Variants in RBFOX1 observed in about 807,000 individuals in gnomAD.
RBFOX1 encodes the protein RNA binding fox-1 homolog 1.
A neutral mutation model predicts 57.7 loss-of-function variants in RBFOX1; 8 were observed. The ratio of observed to expected loss-of-function variants is 0.14; its 90% CI spans 0.08 to 0.25. The LOEUF (loss-of-function observed/expected upper bound fraction) is 0.25. Ranked by LOEUF, RBFOX1 falls within the 10% of genes least tolerant of loss-of-function variation. RBFOX1 has a pLI of 1.00. For missense variants in RBFOX1, 611 were observed against 548.5 expected, an observed-to-expected ratio of 1.11 and a Z score of -1.14; for synonymous variants, 326 against 222.4, an observed-to-expected ratio of 1.47 and a Z score of -4.15.
At chr16:7,457,043 A>T (rs558164202) in intron 4 of RBFOX1, among the ~76,000 whole-genome samples, 1 of 151,814 alleles carries the variant, frequency 6.6e-6, no homozygotes, top group African/African-American at 2.4e-5. Context: ...ACGCACCACC[A>T]CGCCCGGCTA....
chr16:5,510,090 G>A (rs1005625216), intron 2 of RBFOX1, among the ~76,000 whole-genome samples: 1 of 152,232 alleles, frequency 6.6e-6, no homozygotes, highest in Non-Finnish European at 1.5e-5. Flanking sequence ...GTCGAGCACA[G>A]GGCTTGTCTC....
At chr16:7,687,080 A>G (rs2076223957) in intron 14 of RBFOX1, among the ~76,000 whole-genome samples, 1 of 152,090 alleles carries the variant, frequency 6.6e-6, no homozygotes, top group South Asian at 2.1e-4. Context: ...CCTTTTCAAA[A>G]AGAGATAGGT....
At chr16:6,439,086 A>G (rs2094310730) in intron 2 of RBFOX1, among the ~76,000 whole-genome samples, 1 of 152,038 alleles carries the variant, frequency 6.6e-6, no homozygotes, top group Non-Finnish European at 1.5e-5. Context: ...TTGTAGGACA[A>G]CTCTGTTGTG....
chr16:6,020,109 T>A, intron 1 of RBFOX1, 117 bp downstream of exon 1: 2 of 1,169,128 alleles, frequency 1.7e-6, no homozygotes, highest in Non-Finnish European at 2.2e-6. Context: ...CTAGCGCCAG[T>A]CTGGGCGCTC....
intron 4 of RBFOX1, among the ~76,000 whole-genome samples, chr16:5,939,090 C>T (rs1021950035): frequency 1.3e-4 from 20 of 148,468 alleles, no homozygotes; most frequent in Admixed American, 4.0e-4. Context: ...CACTGCGTGT[C>T]GTGGGGTTGG....
At chr16:5,914,143 G>A (rs1016180355) in intron 4 of RBFOX1, among the ~76,000 whole-genome samples, 16 of 152,174 alleles carry the variant, frequency 1.1e-4, no homozygotes, top group Middle Eastern at 3.2e-3. Flanking sequence ...AGGAAAGGAC[G>A]TTTTGGCCCC....
Position 7,154,803 on chromosome 16 carries a change from G to T in RBFOX1, c.27+102705G>T, listed in dbSNP as rs531763210. ...GTATGGGATACATATTTTACCAAAT[G>T]CTTTATGAGTATTATTTAATGTTTT... is the stretch of plus-strand genomic sequence containing the variant. On this transcript the variant is annotated intron_variant, in intron 4 of 15. Transcript: ENST00000550418. Among the ~76,000 whole-genome samples, 79 of 151,074 alleles carry T rather than the reference G, an allele frequency of 5.2e-4. 1 individual carries two copies. The highest frequency in any genetic ancestry group is 1.8e-3 in the African/African-American group (74 of 41,122).
At chr16:6,127,556 AG>A (rs1350690719) in intron 1 of RBFOX1, among the ~76,000 whole-genome samples, 1 of 152,190 alleles carries the variant, frequency 6.6e-6, no homozygotes, top group Non-Finnish European at 1.5e-5. Context: ...AATGAATTGC[AG>A]GTTAGGTGGT....
chr16:6,641,235 G>T (rs1291114299), intron 2 of RBFOX1, among the ~76,000 whole-genome samples: 1 of 152,078 alleles, frequency 6.6e-6, no homozygotes, highest in Non-Finnish European at 1.5e-5. Context: ...AGAGGTTCAG[G>T]GCTTCCCCAG....
chr16:6,956,626 T>G (rs2153536536), intron 3 of RBFOX1, among the ~76,000 whole-genome samples: 1 of 152,324 alleles, frequency 6.6e-6, no homozygotes, highest in African/African-American at 2.4e-5. Flanking sequence ...CAGCCCGTCT[T>G]CCCTTCTTGT....
At chr16:5,358,977 C>T (rs1464352212) in intron 1 of RBFOX1, among the ~76,000 whole-genome samples, 1 of 152,194 alleles carries the variant, frequency 6.6e-6, no homozygotes. Flanking sequence ...CCCTTCCTAG[C>T]CTCTGGTGGC....
At chr16:6,803,731 T>C (rs1210530937) in intron 3 of RBFOX1, among the ~76,000 whole-genome samples, 1 of 152,214 alleles carries the variant, frequency 6.6e-6, no homozygotes, top group Non-Finnish European at 1.5e-5. Context: ...CTTATCTTGC[T>C]TAAGAGTAAT....
At chr16:6,110,609 A>G (rs1203007818) in intron 1 of RBFOX1, among the ~76,000 whole-genome samples, 1 of 152,186 alleles carries the variant, frequency 6.6e-6, no homozygotes, top group African/African-American at 2.4e-5. Context: ...AATCTGCCCT[A>G]ACATTGAGCA....
At chr16:7,641,602 T>A (rs1254373900) in intron 11 of RBFOX1, among the ~76,000 whole-genome samples, 5 of 152,232 alleles carry the variant, frequency 3.3e-5, no homozygotes, top group African/African-American at 1.2e-4. Flanking sequence ...GTATTTATTA[T>A]CCCTACCCTT....
chr16:5,492,812 C>G (rs1033025503), intron 2 of RBFOX1, among the ~76,000 whole-genome samples: 4 of 152,312 alleles, frequency 2.6e-5, no homozygotes, highest in African/African-American at 9.6e-5. Flanking sequence ...GTGTTCTAAA[C>G]CATTAAACCA....
intron 3 of RBFOX1, among the ~76,000 whole-genome samples, chr16:6,821,542 T>C (rs902995728): frequency 6.6e-6 from 1 of 152,186 alleles, no homozygotes; most frequent in Non-Finnish European, 1.5e-5. Context: ...ATTAATCAGA[T>C]GCTTTTCATT....
intron 3 of RBFOX1, among the ~76,000 whole-genome samples, chr16:6,909,758 A>G (rs796899096): frequency 3.9e-5 from 6 of 151,946 alleles, no homozygotes; most frequent in African/African-American, 1.4e-4. Flanking sequence ...TTTTGGTGTT[A>G]TTTTCTCCCG....
intron 2 of RBFOX1, among the ~76,000 whole-genome samples, chr16:6,497,561 TA>T (rs749107631): frequency 0.011 from 1,666 of 149,818 alleles, 19 homozygotes; most frequent in Non-Finnish European, 0.019. Flanking sequence ...TTGAAGTTTT[TA>T]AAAAAAAAAA....
chr16:6,375,751 T>C (rs1935396), intron 2 of RBFOX1, among the ~76,000 whole-genome samples: 98,931 of 151,904 alleles, frequency 0.65, 33,527 homozygotes, highest in African/African-American at 0.84. Flanking sequence ...GGAGCGAGAA[T>C]GAGTACCCAG....
Sources: allele counts gnomAD v4.1 joint callset (sites outside exome capture counted in the v4.1 genomes callset), GRCh38; gene constraint gnomAD v4.1.1; transcripts MANE v1.5; gene names NCBI Gene and HGNC (gene_info 2026-07-23, HGNC 2026-07-21).